Variants in FMNL2 observed in about 807,000 individuals in gnomAD.
FMNL2 encodes formin-like protein 2.
Under a neutral mutation model 130.2 loss-of-function variants are expected in FMNL2, and 51 were observed. That is an observed-to-expected ratio of 0.39 (90% CI 0.31 to 0.49). FMNL2 has a LOEUF of 0.49. Among genes scored for constraint, FMNL2 ranks in the 20% least tolerant of loss-of-function variants. The pLI is 0.85. For synonymous variants in FMNL2, 465 were observed against 467.1 expected (o/e 1.00, Z 0.06); for missense variants, 977 against 1,316.2 (o/e 0.74, Z 3.99).
chr2:152,335,613 G>T lies in FMNL2; in HGVS notation c.10G>T (p.Ala4Ser). 6.3e-7 allele frequency: 1 copy of T among 1,588,316 alleles called. No individual in the cohort carries two copies. The highest frequency in any genetic ancestry group is 1.4e-5 in the African/African-American group (1 of 71,702). ...CCGGCGCGCCGCCGACATGGGCAAC[G>T]CAGGGAGCATGGATTCGCAGCAGAC... The part of the protein sequence containing the change: MGN[A>S]GSMDSQQTDF... The change falls in exon 1 of 26, where the codon GCA becomes TCA. Residue 4 changes from alanine to serine, a missense_variant. Physicochemically the swap from Ala to Ser is moderately conservative, Grantham distance 99 (BLOSUM62 1). Around this residue, in one of 4 missense-constraint regions of FMNL2, gnomAD observed 117 missense variants for 134.9 expected, o/e 0.87. Transcript: ENST00000288670.
chr2:152,613,699 T>G (rs1347430545), intron 11 of FMNL2, among the ~76,000 whole-genome samples: 1 of 152,208 alleles, frequency 6.6e-6, no homozygotes, highest in African/African-American at 2.4e-5. Flanking sequence ...GTAATGTAAA[T>G]GTATGCTATA....
chr2:152,452,055 A>G (rs1166418295), intron 1 of FMNL2, among the ~76,000 whole-genome samples: 1 of 152,184 alleles, frequency 6.6e-6, no homozygotes. Context: ...ACAATGCCAC[A>G]GTCACTTTGA....
chr2:152,478,307 G>A (rs529916821), intron 1 of FMNL2, among the ~76,000 whole-genome samples: 1 of 140,942 alleles, frequency 7.1e-6, no homozygotes, highest in East Asian at 2.0e-4. Context: ...CTGGAGTACA[G>A]TGGCATGATC....
chr2:152,490,568 A>AGTGTGTGT (rs1208283542), intron 1 of FMNL2, among the ~76,000 whole-genome samples: 9 of 35,414 alleles, frequency 2.5e-4, no homozygotes, highest in East Asian at 8.3e-4. Flanking sequence ...TTTGCTATCC[A>AGTGTGTGT]ATGTGTGTGT....
chr2:152,389,885 G>C, intron 1 of FMNL2: 1 of 1,020,308 alleles, frequency 9.8e-7, no homozygotes, highest in Non-Finnish European at 1.5e-6. Context: ...CAGAAGGCCC[G>C]GTGGGAGAAG....
chr2:152,448,205 A>T (rs763040792), intron 1 of FMNL2, among the ~76,000 whole-genome samples: 13 of 137,644 alleles, frequency 9.4e-5, no homozygotes, highest in Non-Finnish European at 2.0e-4. Flanking sequence ...CTGATTTCTT[A>T]AAAAAAAAAA....
At chr2:152,549,329 G>A (rs950051047) in intron 4 of FMNL2, among the ~76,000 whole-genome samples, 2 of 152,144 alleles carry the variant, frequency 1.3e-5, no homozygotes, top group African/African-American at 4.8e-5. Flanking sequence ...TTCTTTGAGC[G>A]GGTGCAGTAA....
intron 1 of FMNL2, among the ~76,000 whole-genome samples, chr2:152,374,819 C>T (rs1249275449): frequency 1.3e-5 from 2 of 152,196 alleles, no homozygotes; most frequent in African/African-American, 2.4e-5. Context: ...GGTCCTAGAA[C>T]CACTCTCCAT....
At chr2:152,350,493 G>T (rs1246796531) in intron 1 of FMNL2, among the ~76,000 whole-genome samples, 1 of 152,184 alleles carries the variant, frequency 6.6e-6, no homozygotes, top group African/African-American at 2.4e-5. Flanking sequence ...CTAGACCCAT[G>T]GGACAGACTG....
intron 10 of FMNL2, 95 bp downstream of exon 10, chr2:152,607,508 T>G: frequency 1.3e-6 from 1 of 798,912 alleles, no homozygotes; most frequent in Non-Finnish European, 2.0e-6. Flanking sequence ...CACACACACA[T>G]ATTTATATTA....
chr2:152,567,922 A>T lies in FMNL2; in HGVS notation c.596+6887A>T, dbSNP rs73969126. 2.2e-3 allele frequency among the ~76,000 whole-genome samples: 333 copies of T among 152,318 alleles called. 2 individuals are homozygous for T. Among genetic ancestry groups the T allele is most frequent in the African/African-American group, 7.7e-3 (320 of 41,552 alleles). On this transcript the variant is annotated intron_variant, in intron 6 of 25. Coordinates refer to ENST00000288670, the MANE Select transcript of FMNL2 (RefSeq NM_052905.4). ...TTTACTTGTTCCCATTAGGGCTTAGATATTATGAATCTCACAAATGTTGGC... is the reference window on the plus strand; with the variant it reads ...TTTACTTGTTCCCATTAGGGCTTAGTTATTATGAATCTCACAAATGTTGGC...
chr2:152,593,692 A>G (rs909921790), intron 9 of FMNL2, among the ~76,000 whole-genome samples: 3 of 152,132 alleles, frequency 2.0e-5, no homozygotes, highest in African/African-American at 7.2e-5. Flanking sequence ...AACAAATACA[A>G]TCTGGGGATT....
chr2:152,613,412 T>C (rs1297884638), intron 11 of FMNL2, among the ~76,000 whole-genome samples: 1 of 152,248 alleles, frequency 6.6e-6, no homozygotes, highest in East Asian at 1.9e-4. Flanking sequence ...GTGAATCTCA[T>C]GAAAAATCCC....
intron 1 of FMNL2, among the ~76,000 whole-genome samples, chr2:152,491,692 T>C (rs1051535739): frequency 6.6e-6 from 1 of 152,254 alleles, no homozygotes; most frequent in African/African-American, 2.4e-5. Context: ...GGCTCATGCC[T>C]TTAATCCCAG....
At chr2:152,439,834 C>T (rs1172320300) in intron 1 of FMNL2, among the ~76,000 whole-genome samples, 3 of 148,794 alleles carry the variant, frequency 2.0e-5, no homozygotes, top group Non-Finnish European at 4.4e-5. Flanking sequence ...TGGGCATCAG[C>T]ATTTACCCGT....
intron 1 of FMNL2, among the ~76,000 whole-genome samples, chr2:152,435,957 G>A (rs1352593392): frequency 6.6e-6 from 1 of 151,886 alleles, no homozygotes; most frequent in Non-Finnish European, 1.5e-5. Flanking sequence ...GAGCCCCAAA[G>A]ATTGTTCCCT....
At chr2:152,387,680 G>C (rs997254393) in intron 1 of FMNL2, among the ~76,000 whole-genome samples, 1 of 151,876 alleles carries the variant, frequency 6.6e-6, no homozygotes, top group African/African-American at 2.4e-5. Context: ...ATTGGAGTTG[G>C]GGTCTCTCTG....
chr2:152,635,074 AGAG>A (rs1468888382), intron 21 of FMNL2, among the ~76,000 whole-genome samples: 2 of 152,060 alleles, frequency 1.3e-5, no homozygotes, highest in African/African-American at 4.8e-5. Context: ...GTTGTGTAGA[AGAG>A]GAGAAGATGA....
At chr2:152,570,658 G>A (rs562253531) in intron 6 of FMNL2, among the ~76,000 whole-genome samples, 41 of 152,272 alleles carry the variant, frequency 2.7e-4, no homozygotes, top group Non-Finnish European at 4.4e-5. Flanking sequence ...TTTGGAATCT[G>A]AGGGAGTCCT....
Sources: gnomAD v4.1 joint callset for allele counts (sites outside exome capture counted in the v4.1 genomes callset) on GRCh38, gnomAD v4.1.1 for gene constraint, gnomAD v4.1.1 regional missense constraint, MANE v1.5 for transcripts, NCBI Gene and HGNC (gene_info 2026-07-23, HGNC 2026-07-21) for gene names.